The following FLG variants were observed in gnomAD, a reference collection of about 807,000 sequenced individuals.
The protein encoded by FLG is epidermal filaggrin.
In FLG, 6 loss-of-function variants were observed where a neutral mutation model predicts 3.8. The ratio of observed to expected loss-of-function variants is 1.60; its 90% CI spans 0.87 to 3.15. FLG has a LOEUF of 3.15. FLG is among the 30% of genes most tolerant of loss of function. FLG has a pLI of 0.00. For synonymous variants in FLG, 2,551 were observed against 1,931.6 expected, an observed-to-expected ratio of 1.32 and a Z score of -8.41; for missense variants, 7,595 against 5,050.9, an observed-to-expected ratio of 1.50 and a Z score of -15.27.
In FLG at chr1:152,308,918, C is replaced by T. The variant is rs776726540; in HGVS notation, c.5968G>A (p.Ala1990Thr). The T allele has an allele frequency of 1.2e-5, 20 of 1,614,152 alleles. No individual in the cohort carries two copies. Among genetic ancestry groups the T allele is most frequent in the South Asian group, 8.8e-5 (8 of 91,084 alleles). ...RHTESSSRGQAASSHEQARSS... is the reference protein window; with the variant it reads ...RHTESSSRGQTASSHEQARSS... ...CTTGCCTGTTCATGGGATGACGCAGCCTGTCCACGAGAGGAAGACTCTGTG... is the reference window on the plus strand; with the variant it reads ...CTTGCCTGTTCATGGGATGACGCAGTCTGTCCACGAGAGGAAGACTCTGTG... The change falls in exon 3 of 3, where the codon GCT becomes ACT. Residue 1990 changes from alanine (A) to threonine (T), a missense_variant. By Grantham distance (58) the Ala-to-Thr change is moderately conservative. Coordinates refer to ENST00000368799, the MANE Select transcript of FLG (RefSeq NM_002016.2).
intron 1 of FLG, among the ~76,000 whole-genome samples, chr1:152,319,272 T>C (rs564116576): frequency 1.3e-5 from 2 of 150,546 alleles, no homozygotes; most frequent in East Asian, 3.9e-4. Flanking sequence ...TGCAATTGTT[T>C]ATTAGTTTCA....
rs776348363 is a variant in FLG, at chr1:152,304,420, G to A, written c.10466C>T (p.Thr3489Ile). 115 of 1,611,934 alleles carry A rather than the reference G, an allele frequency of 7.1e-5. 2 individuals carry two copies. In the Admixed American group the frequency reaches 1.9e-3, roughly 26 times the overall value. Residue 3489 changes from threonine (T) to isoleucine (I), a missense_variant, in exon 3 of 3, where the codon ACT becomes ATT. Physicochemically the swap from Thr to Ile is moderately conservative, Grantham distance 89. Coordinates refer to ENST00000368799, the MANE Select transcript of FLG (RefSeq NM_002016.2). Reference sequence around the variant, plus strand: ...ATCTCCTGATTGTTCGTCATTACGAGTTTGTCTGCTGGCACTTCTGGATCC... The same window carrying A: ...ATCTCCTGATTGTTCGTCATTACGAATTTGTCTGCTGGCACTTCTGGATCC... ...QSGSRSASRQ[T>I]RNDEQSGDGS...
At position 152,303,350 on chromosome 1, in the gene FLG, C is replaced by A. The variant is rs143233744; in HGVS notation, c.11536G>T (p.Gly3846Cys). The change falls in exon 3 of 3, where the codon GGC (glycine) becomes TGC (cysteine). Residue 3846 changes from glycine to cysteine, a missense_variant. Coordinates refer to ENST00000368799, the MANE Select transcript of FLG (RefSeq NM_002016.2). ...CTGGACCCCGCTGATTCACCCTGGCCGGACTGTGAGTGTCTAGAGCTGTCA... is the reference window on the plus strand; with the variant it reads ...CTGGACCCCGCTGATTCACCCTGGCAGGACTGTGAGTGTCTAGAGCTGTCA... ...QADSSRHSQS[G>C]QGESAGSRRS... 2 of 1,614,098 alleles carry A rather than the reference C, an allele frequency of 1.2e-6. No individual in the cohort carries two copies. Among genetic ancestry groups the A allele is most frequent in the Non-Finnish European group, 1.7e-6 (2 of 1,180,014 alleles).
chr1:152,308,505 C>T lies in FLG; in HGVS notation c.6381G>A (p.Arg2127=). Residue 2127 remains arginine (R), a synonymous_variant, in exon 3 of 3, where the codon AGG becomes AGA. Coordinates refer to ENST00000368799, the MANE Select transcript of FLG (RefSeq NM_002016.2). ...SHYDQAQDSS[R]HSASQEGQDT... ...CCTGACCCTCTTGGGATGCTGAGTG[C>T]CTGGAGCTGTCTTGTGCCTGATCAT... 6.2e-7 allele frequency: 1 copy of T among 1,613,586 alleles called. No individual in the cohort carries two copies. The highest frequency in any genetic ancestry group is 8.5e-7 in the Non-Finnish European group (1 of 1,179,704).
Position 152,314,337 on chromosome 1 carries a change from T to C in FLG, c.549A>G (p.Lys183=), listed in dbSNP as rs765613413. Residue 183 remains lysine, a synonymous_variant, in exon 3 of 3, where the codon AAA becomes AAG. Coordinates refer to ENST00000368799, the MANE Select transcript of FLG (RefSeq NM_002016.2). The part of the protein sequence containing the change: ...YGKNHHNSSK[K]EKNKTENTRL... ...TAGTATTTTCAGTCTTGTTTTTCTC[T>C]TTTTTACTTGAGTTATGATGGTTTT... 4.4e-5 allele frequency: 71 copies of C among 1,612,876 alleles called. No homozygotes were observed. Among genetic ancestry groups the C allele is most frequent in the Non-Finnish European group, 5.4e-5 (64 of 1,179,652 alleles).
In FLG at chr1:152,305,592, G is replaced by C; in HGVS notation, c.9294C>G (p.Ser3098=). Residue 3098 remains serine, a synonymous_variant, in exon 3 of 3, where the codon TCC becomes TCG. Transcript: ENST00000368799. The stretch of plus-strand genomic sequence containing the variant: ...GACCGTATTGGGATGCTGAGTGCCT[G>C]GAGCTGTCTTGTGCCTGCTCATGGC... The part of the protein sequence containing the change: ...GSRHEQAQDS[S]RHSASQYGQD... 1 of 1,502,924 alleles carries C rather than the reference G, an allele frequency of 6.7e-7. No individual in the cohort carries two copies. Among genetic ancestry groups the C allele is most frequent in the Non-Finnish European group, 8.8e-7 (1 of 1,130,396 alleles). 93.1% of individuals were successfully genotyped at this position (1,502,924 alleles called of 1,614,324 possible).
rs754135288 is a variant in FLG, at chr1:152,313,388, C to T, written c.1498G>A (p.Ala500Thr). Residue 500 changes from alanine (A) to threonine (T), a missense_variant, in exon 3 of 3, where the codon GCA (alanine) becomes ACA (threonine). By Grantham distance (58) the Ala-to-Thr change is moderately conservative (BLOSUM62 0). Transcript: ENST00000368799. ...GGRQGSHHEQ[A>T]RDSSRHSASQ... The stretch of plus-strand genomic sequence containing the variant: ...GCTGAATGCCTGGAGCTGTCTCGTG[C>T]CTGCTCGTGGTGCGATCCTTGTCTT... 5.0e-6 allele frequency: 8 copies of T among 1,613,442 alleles called. No individual in the cohort carries two copies. The highest frequency in any genetic ancestry group is 1.3e-5 in the African/African-American group (1 of 74,790).
chr1:152,308,364 C>T lies in FLG; in HGVS notation c.6522G>A (p.Gln2174=), dbSNP rs770659976. 1.2e-6 allele frequency: 2 copies of T among 1,613,718 alleles called. No individual in the cohort carries two copies. Among genetic ancestry groups the T allele is most frequent in the Admixed American group, 1.7e-5 (1 of 59,960 alleles). ...SGSHHSHTTS[Q]GRSDASRGQS... ...GCCCACGGGAGGCATCAGACCTTCC[C>T]TGGGATGTGGTGTGGCTGTGATGAG... Residue 2174 remains glutamine (Q), a synonymous_variant, in exon 3 of 3, where the codon CAG becomes CAA. Transcript: ENST00000368799.
Position 152,303,656 on chromosome 1 carries a change from C to G in FLG, c.11230G>C (p.Asp3744His), listed in dbSNP as rs779155758. The change falls in exon 3 of 3, where the codon GAC becomes CAC. Residue 3744 changes from aspartate (D) to histidine (H), a missense_variant. Coordinates refer to ENST00000368799, the MANE Select transcript of FLG (RefSeq NM_002016.2). ...RQGSRHEQAR[D>H]SSRHSASQEG... ...TGGGACGCTGAGTGCCTGGAGCTGT[C>G]TCGTGCCTGCTCGTGGCGGGATCCT... 1.1e-5 allele frequency: 17 copies of G among 1,614,038 alleles called. No individual in the cohort carries two copies. In the South Asian group the frequency reaches 1.9e-4, roughly 18 times the overall value.
rs772700756 is a variant in FLG, at chr1:152,311,417, C to A, written c.3469G>T (p.Ala1157Ser). The A allele has an allele frequency of 1.6e-5, 26 of 1,613,948 alleles. No individual in the cohort carries two copies. The East Asian group carries it at 2.5e-4, about 15-fold the overall frequency. ...ATGGTGTCCTGACCCTCTTGGGACG[C>A]TGAGTGCCTGGAGCTGTCTCGTGCC... The part of the protein sequence containing the change: ...EQARDSSRHS[A>S]SQEGQDTIRA... Residue 1157 changes from alanine to serine, a missense_variant, in exon 3 of 3, where the codon GCG (alanine) becomes TCG (serine). Transcript: ENST00000368799.
chr1:152,311,779 C>T lies in FLG; in HGVS notation c.3107G>A (p.Arg1036His), dbSNP rs758414155. The T allele has an allele frequency of 2.2e-5, 35 of 1,613,990 alleles. No individual in the cohort carries two copies. The highest frequency in any genetic ancestry group is 6.7e-5 in the East Asian group (3 of 44,842). Residue 1036 changes from arginine (R) to histidine (H), a missense_variant, in exon 3 of 3, where the codon CGC (arginine) becomes CAC (histidine). Coordinates refer to ENST00000368799, the MANE Select transcript of FLG (RefSeq NM_002016.2). ...GGAGCTGTCTGCTGACTGCTGGTGG[C>T]GGGATCCGTGTCTTTCTCCTGGACT... ...RSSPGERHGSRHQQSADSSRH... is the reference protein window; with the variant it reads ...RSSPGERHGSHHQQSADSSRH...
rs1557881332 is a variant in FLG at position 152,313,287 on chromosome 1, C to T, written c.1599G>A (p.Glu533=). The T allele has an allele frequency of 6.2e-7, 1 of 1,613,818 alleles. No individual in the cohort carries two copies. The change falls in exon 3 of 3, where the codon GAG becomes GAA. Residue 533 remains glutamate (E), a synonymous_variant. Coordinates refer to ENST00000368799, the MANE Select transcript of FLG (RefSeq NM_002016.2). ...AGTGTCCAGACCTATTTACCGATTG[C>T]TCGTGGTGGGATCCCTGCCTTCCTC... ...SRGGRQGSHH[E]QSVNRSGHSG...
rs752303122 is a variant in FLG, at chr1:152,304,521, A to C, written c.10365T>G (p.Asp3455Glu). ...RQGSHYEQSV[D>E]RSGHSGSHHS... ...GATGGGACCCTGAGTGTCCAGACCT[A>C]TCTACCGATTGCTCGTAGTGGGATC... The change falls in exon 3 of 3, where the codon GAT becomes GAG. Residue 3455 changes from aspartate to glutamate, a missense_variant. Transcript: ENST00000368799. 77 of 1,612,156 alleles carry C rather than the reference A, an allele frequency of 4.8e-5. 1 individual carries two copies. Among genetic ancestry groups the C allele is most frequent in the Non-Finnish European group, 1.7e-6 (2 of 1,179,434 alleles).
chr1:152,314,704 A>G lies in FLG; in HGVS notation c.182T>C (p.Leu61Ser). The G allele has an allele frequency of 6.2e-7, 1 of 1,614,016 alleles. No homozygotes were observed. Among genetic ancestry groups the G allele is most frequent in the Non-Finnish European group, 8.5e-7 (1 of 1,179,894 alleles). Residue 61 changes from leucine (L) to serine (S), a missense_variant, in exon 3 of 3, where the codon TTG becomes TCG. By Grantham distance (145) the Leu-to-Ser change is moderately radical. Transcript: ENST00000368799. The stretch of plus-strand genomic sequence containing the variant: ...AATTTTCTTGTTGTGGTCTATATCC[A>G]AGTGATCCATGAAGACATCAACCAT... ...PDMVDVFMDH[L>S]DIDHNKKIDF...
In FLG at chr1:152,302,760, A is replaced by T. The variant is rs1310227045; in HGVS notation, c.12126T>A (p.Ser4042=). Residue 4042 remains serine, a synonymous_variant, in exon 3 of 3, where the codon TCT becomes TCA. Transcript: ENST00000368799. ...ATCCCAGTTGTTTCGATATATCACT[A>T]GAATGGCCACATAAACCTGGGTCCT... is the stretch of plus-strand genomic sequence containing the variant. ...INKDPGLCGH[S]SDISKQLGFS... The T allele has an allele frequency of 2.0e-5, 33 of 1,614,092 alleles. No homozygotes were observed. The highest frequency in any genetic ancestry group is 2.7e-5 in the Non-Finnish European group (32 of 1,180,042).
Position 152,312,638 on chromosome 1 carries a change from T to G in FLG, c.2248A>C (p.Ser750Arg), listed in dbSNP as rs1652531806. 1 of 1,613,792 alleles carries G rather than the reference T, an allele frequency of 6.2e-7. No homozygotes were observed. Among genetic ancestry groups the G allele is most frequent in the South Asian group, 1.1e-5 (1 of 91,054 alleles). Residue 750 changes from serine (S) to arginine (R), a missense_variant, in exon 3 of 3, where the codon AGT becomes CGT. Coordinates refer to ENST00000368799, the MANE Select transcript of FLG (RefSeq NM_002016.2). Reference protein sequence around the residue: ...RGSSGSQATDSEGHSEDSDTQ... With the variant: ...RGSSGSQATDREGHSEDSDTQ... ...TCTGAGTCTTCTGAATGTCCCTCAC[T>G]GTCAGTGGCCTGACTACCACTGGAC...
rs1053812081 is a variant in FLG at position 152,305,364 on chromosome 1, G to C, written c.9522C>G (p.Ser3174Arg). 1 of 1,608,794 alleles carries C rather than the reference G, an allele frequency of 6.2e-7. No individual in the cohort carries two copies. Among genetic ancestry groups the C allele is most frequent in the Non-Finnish European group, 8.5e-7 (1 of 1,179,350 alleles). ...TTRNEEQSGDSSRHSVSRHHE... is the reference protein window; with the variant it reads ...TTRNEEQSGDRSRHSVSRHHE... ...GGTGACGTGACACTGAGTGCCTGGA[G>C]CTGTCTCCTGATTGTTCCTCATTAC... The change falls in exon 3 of 3, where the codon AGC becomes AGG. Residue 3174 changes from serine to arginine, a missense_variant. Transcript: ENST00000368799.
rs1240339286 is a variant in FLG at position 152,312,210 on chromosome 1, T to C, written c.2676A>G (p.Ala892=). 1.1e-5 allele frequency: 17 copies of C among 1,613,986 alleles called. No individual in the cohort carries two copies. The highest frequency in any genetic ancestry group is 1.4e-5 in the Non-Finnish European group (17 of 1,179,998). Residue 892 remains alanine (A), a synonymous_variant, in exon 3 of 3, where the codon GCA becomes GCG. Transcript: ENST00000368799. ...GTTCCTCATTACGTGTTGTTCTGCT[T>C]GCACTTCTGGATCCTGACTGCCCAC... ...ASRGQSGSRS[A]SRTTRNEEQS...
chr1:152,316,276 A>G (rs1652786475), intron 1 of FLG, among the ~76,000 whole-genome samples: 1 of 152,150 alleles, frequency 6.6e-6, no homozygotes, highest in South Asian at 2.1e-4. Context: ...TGGTAAGAGG[A>G]ATTAGATATT....
Sources: gnomAD v4.1 joint callset for allele counts (sites outside exome capture counted in the v4.1 genomes callset) on GRCh38, gnomAD v4.1.1 for gene constraint, MANE v1.5 for transcripts, NCBI Gene and HGNC (gene_info 2026-07-23, HGNC 2026-07-21) for gene names.